Variants in PATJ observed in about 807,000 individuals in gnomAD.
PATJ encodes inaD-like protein.
In PATJ, 190 loss-of-function variants were observed where a neutral mutation model predicts 224.9. The ratio of observed to expected loss-of-function variants is 0.84; its 90% CI spans 0.75 to 0.95. The LOEUF (loss-of-function observed/expected upper bound fraction) is 0.95. Among genes scored for constraint, PATJ ranks in the 40% least tolerant of loss-of-function variants. The pLI, the probability that PATJ is intolerant of heterozygous loss-of-function variation, is 0.00. For synonymous variants in PATJ, 769 were observed against 820.3 expected, an observed-to-expected ratio of 0.94 and a Z score of 1.07; for missense variants, 2,121 against 2,270.3, an observed-to-expected ratio of 0.93 and a Z score of 1.34.
intron 13 of PATJ, among the ~76,000 whole-genome samples, chr1:61,808,037 G>A (rs566294411): frequency 1.3e-5 from 2 of 152,286 alleles, no homozygotes; most frequent in African/African-American, 4.8e-5. Context: ...AAAGTCAGAT[G>A]CTTTAGTTTT....
intron 15 of PATJ, among the ~76,000 whole-genome samples, chr1:61,826,799 A>G (rs1427112039): frequency 6.6e-6 from 1 of 152,224 alleles, no homozygotes; most frequent in African/African-American, 2.4e-5. Context: ...TCAGCAGAGC[A>G]TGTAACTGAT....
At chr1:61,943,393 C>G (rs916404088) in intron 27 of PATJ, among the ~76,000 whole-genome samples, 1 of 152,188 alleles carries the variant, frequency 6.6e-6, no homozygotes, top group Non-Finnish European at 1.5e-5. Flanking sequence ...CACTCCCACC[C>G]TAATACTGCG....
chr1:61,767,494 G>A (rs1256604851), intron 4 of PATJ, among the ~76,000 whole-genome samples: 4 of 151,990 alleles, frequency 2.6e-5, no homozygotes, highest in African/African-American at 7.3e-5. Context: ...AGCTATGATC[G>A]TACCACTGTA....
intron 43 of PATJ, among the ~76,000 whole-genome samples, chr1:62,154,736 A>G (rs2149053695): frequency 6.6e-6 from 1 of 152,190 alleles, no homozygotes; most frequent in African/African-American, 2.4e-5. Context: ...CCAGAAAGCT[A>G]AACTATACAT....
In PATJ at chr1:61,763,005, G is replaced by T; in HGVS notation, c.23-8G>T. 1.2e-6 allele frequency: 2 copies of T among 1,604,648 alleles called. No individual in the cohort carries two copies. The highest frequency in any genetic ancestry group is 2.2e-5 in the South Asian group (2 of 89,180). The stretch of plus-strand genomic sequence containing the variant: ...AACTATTACTCTACTTATTCATCTT[G>T]ACCCAAGATAAACTGCAGGTGCTGC... On this transcript the variant is annotated splice_region_variant and splice_polypyrimidine_tract_variant and intron_variant, in intron 2 of 43. Transcript: ENST00000642238.
At chr1:61,948,284 G>A (rs1679068951) in intron 27 of PATJ, among the ~76,000 whole-genome samples, 1 of 152,146 alleles carries the variant, frequency 6.6e-6, no homozygotes, top group African/African-American at 2.4e-5. Flanking sequence ...GCATCCTACA[G>A]AATGGGAGAA....
At chr1:61,801,330 G>A (rs1652448881) in intron 11 of PATJ, among the ~76,000 whole-genome samples, 2 of 152,192 alleles carry the variant, frequency 1.3e-5, no homozygotes, top group East Asian at 3.8e-4. Context: ...CTGATGGCCA[G>A]TGATGGTGGG....
chr1:61,887,927 G>A (rs1284128210), intron 22 of PATJ, among the ~76,000 whole-genome samples: 1 of 152,114 alleles, frequency 6.6e-6, no homozygotes, highest in African/African-American at 2.4e-5. Context: ...TGTTGACATG[G>A]GAGATATCTT....
intron 27 of PATJ, among the ~76,000 whole-genome samples, chr1:61,939,248 T>C (rs922986806): frequency 1.3e-4 from 19 of 151,122 alleles, no homozygotes; most frequent in African/African-American, 2.4e-5. Context: ...GCCTTTCAAA[T>C]TATTATTACC....
At chr1:61,788,136 T>G (rs1405338267) in intron 8 of PATJ, among the ~76,000 whole-genome samples, 164 bp downstream of exon 8, 2 of 152,184 alleles carry the variant, frequency 1.3e-5, no homozygotes, top group Non-Finnish European at 2.9e-5. Flanking sequence ...CATGTTGGTT[T>G]TCTGTTTCAC....
chr1:61,847,079 A>G (rs1662086995), intron 17 of PATJ, among the ~76,000 whole-genome samples: 1 of 152,228 alleles, frequency 6.6e-6, no homozygotes, highest in Non-Finnish European at 1.5e-5. Flanking sequence ...TTCCAGCATA[A>G]CATAAAATTT....
intron 8 of PATJ, 120 bp downstream of exon 8, chr1:61,788,092 A>G (rs1456177161): frequency 1.8e-6 from 1 of 571,200 alleles, no homozygotes; most frequent in East Asian, 3.2e-5. Context: ...CACTAGTGAA[A>G]CAGGAAAAAA....
At chr1:61,809,819 A>G (rs188267105) in intron 14 of PATJ, among the ~76,000 whole-genome samples, 6 of 150,974 alleles carry the variant, frequency 4.0e-5, no homozygotes, top group Non-Finnish European at 5.9e-5. Context: ...TATGTATGCC[A>G]TAATTTTATA....
chr1:61,982,398 T>C (rs1644497443), intron 27 of PATJ, among the ~76,000 whole-genome samples: 1 of 152,050 alleles, frequency 6.6e-6, no homozygotes, highest in Admixed American at 6.5e-5. Context: ...GGCTGTGGTG[T>C]GATGAACAGG....
chr1:62,031,251 G>A (rs11587128), intron 29 of PATJ, among the ~76,000 whole-genome samples: 28,737 of 152,152 alleles, frequency 0.19, 3,383 homozygotes, highest in Non-Finnish European at 0.27. Flanking sequence ...AGCTAATCAA[G>A]CACTGGTTCA....
intron 25 of PATJ, among the ~76,000 whole-genome samples, chr1:61,910,868 AG>A (rs1410293189): frequency 6.6e-6 from 1 of 152,034 alleles, no homozygotes; most frequent in Non-Finnish European, 1.5e-5. Context: ...ATTCTTATTG[AG>A]TGAGGCAAAT....
intron 41 of PATJ, among the ~76,000 whole-genome samples, chr1:62,147,660 G>A (rs1181039607): frequency 2.0e-5 from 3 of 152,174 alleles, no homozygotes; most frequent in Non-Finnish European, 2.9e-5. Flanking sequence ...TTAGCTGGGC[G>A]TACTGGCACT....
rs1670849713 is a variant in PATJ, at chr1:61,899,665, G to A, written c.3203+11G>A. On this transcript the variant is annotated intron_variant, in intron 23 of 43. Transcript: ENST00000642238. Reference sequence around the variant, plus strand: ...GGGTCCACCGAGAATGTATGTGGATGACATTATTGTGGCTTTCTCAATAGG... The same window carrying A: ...GGGTCCACCGAGAATGTATGTGGATAACATTATTGTGGCTTTCTCAATAGG... 6.3e-7 allele frequency: 1 copy of A among 1,589,148 alleles called. No homozygotes were observed. The highest frequency in any genetic ancestry group is 1.1e-5 in the South Asian group (1 of 89,436).
chr1:61,927,001 A>G (rs942229209), intron 26 of PATJ, among the ~76,000 whole-genome samples: 2 of 152,026 alleles, frequency 1.3e-5, no homozygotes, highest in African/African-American at 2.4e-5. Context: ...TGAGTTTGGC[A>G]TGTTTTATTT....
Sources: allele counts gnomAD v4.1 joint callset (sites outside exome capture counted in the v4.1 genomes callset), GRCh38; gene constraint gnomAD v4.1.1; transcripts MANE v1.5; gene names NCBI Gene and HGNC (gene_info 2026-07-23, HGNC 2026-07-21).